Variants in ALCAM observed in about 807,000 individuals in gnomAD.
ALCAM encodes the protein activated leukocyte cell adhesion molecule.
Under a neutral mutation model 70.9 loss-of-function variants are expected in ALCAM, and 30 were observed. That is an observed-to-expected ratio of 0.42 (90% CI 0.32 to 0.57). The LOEUF is 0.57. Ranked by LOEUF, ALCAM falls within the 20% of genes least tolerant of loss-of-function variation. The probability of loss-of-function intolerance (pLI) is 0.11; values close to 1 mark genes in which losing one functional copy is unlikely to be tolerated. For synonymous variants in ALCAM, 249 were observed against 242.5 expected (o/e 1.03, Z -0.25); for missense variants, 591 against 695.1 (o/e 0.85, Z 1.68).
intron 1 of ALCAM, among the ~76,000 whole-genome samples, chr3:105,502,082 G>A (rs1938936588): frequency 6.6e-6 from 1 of 152,094 alleles, no homozygotes; most frequent in African/African-American, 2.4e-5. Context: ...GCCAGTCCAG[G>A]CATAAAAGTA....
In ALCAM at chr3:105,552,848, T is replaced by G. The variant is rs1029837899; in HGVS notation, c.1664+263T>G. On this transcript the variant is annotated intron_variant, in intron 14 of 15. Transcript: ENST00000306107. ...GAATTCAATTATTTGATTTTTTCAG[T>G]GCTTGAGTGAATTTTTTAAAGCGTA... 4.1e-6 allele frequency: 5 copies of G among 1,232,434 alleles called. No homozygotes were observed. In the African/African-American group the frequency reaches 4.6e-5, roughly 11 times the overall value. 76.3% of individuals were successfully genotyped at this position (1,232,434 alleles called of 1,614,324 possible).
At chr3:105,452,100 G>GT (rs201338872) in intron 1 of ALCAM, among the ~76,000 whole-genome samples, 5 of 151,072 alleles carry the variant, frequency 3.3e-5, no homozygotes, top group Non-Finnish European at 4.4e-5. Flanking sequence ...TCATTTTTTG[G>GT]TTTTTTTTTC....
At chr3:105,440,752 A>G (rs745485191) in intron 1 of ALCAM, 2 of 152,232 alleles carry the variant, frequency 1.3e-5, no homozygotes, top group Admixed American at 6.5e-5. Flanking sequence ...ACTTAAGTAG[A>G]TTAACACTTA....
intron 1 of ALCAM, among the ~76,000 whole-genome samples, chr3:105,371,908 T>C (rs1935245663): frequency 6.6e-6 from 1 of 152,190 alleles, no homozygotes; most frequent in Non-Finnish European, 1.5e-5. Flanking sequence ...TTATTCTTCA[T>C]TGTTAAGTAT....
At chr3:105,448,550 A>G (rs1429885113) in intron 1 of ALCAM, among the ~76,000 whole-genome samples, 1 of 152,114 alleles carries the variant, frequency 6.6e-6, no homozygotes, top group African/African-American at 2.4e-5. Flanking sequence ...TTTCCACATG[A>G]CATCTGTGGC....
chr3:105,456,633 A>C (rs987833705), intron 1 of ALCAM, among the ~76,000 whole-genome samples: 2 of 152,218 alleles, frequency 1.3e-5, no homozygotes, highest in Non-Finnish European at 1.5e-5. Context: ...ATTCAAGTAC[A>C]GAAGGGTGAT....
At chr3:105,405,287 A>G (rs1402223750) in intron 1 of ALCAM, among the ~76,000 whole-genome samples, 1 of 108,874 alleles carries the variant, frequency 9.2e-6, no homozygotes, top group Non-Finnish European at 2.1e-5. Flanking sequence ...CAAAAAAAAA[A>G]AAAAAAAAAA....
intron 1 of ALCAM, among the ~76,000 whole-genome samples, chr3:105,401,873 C>T (rs903076927): frequency 6.6e-6 from 1 of 152,024 alleles, no homozygotes; most frequent in Non-Finnish European, 1.5e-5. Flanking sequence ...ATAATTGAGT[C>T]TAACCACAGA....
chr3:105,377,003 A>G (rs1034837974), intron 1 of ALCAM, among the ~76,000 whole-genome samples: 1 of 152,118 alleles, frequency 6.6e-6, no homozygotes, highest in Non-Finnish European at 1.5e-5. Flanking sequence ...CTACAAAAGG[A>G]TGTCTTTGTC....
chr3:105,452,335 G>A (rs1414918372), intron 1 of ALCAM, among the ~76,000 whole-genome samples: 1 of 152,026 alleles, frequency 6.6e-6, no homozygotes, highest in Non-Finnish European at 1.5e-5. Context: ...TTGGTTTTCT[G>A]TTCCTGTGTT....
chr3:105,409,531 C>T (rs187490548), intron 1 of ALCAM, among the ~76,000 whole-genome samples: 28 of 152,054 alleles, frequency 1.8e-4, no homozygotes, highest in African/African-American at 4.6e-4. Context: ...ATAAGAATGA[C>T]GCATTGGACT....
intron 14 of ALCAM, among the ~76,000 whole-genome samples, chr3:105,554,244 C>G (rs1458775541): frequency 1.3e-5 from 2 of 151,762 alleles, no homozygotes; most frequent in Admixed American, 1.3e-4. Context: ...GCCTGAGAAC[C>G]AGGAAGGTGT....
rs599278 is a variant in ALCAM at position 105,541,752 on chromosome 3, T to C, written c.978T>C (p.Ala326=). 1,601,676 of 1,612,036 alleles carry C rather than the reference T, an allele frequency of 0.99. 796,172 individuals are homozygous for C. The highest frequency in any genetic ancestry group is 1 in the East Asian group (44,820 of 44,820). ...IDKKSMIAST[A]ITVHYLDLSL... is the part of the protein sequence containing the mutation. ...AAAAAAGCATGATTGCTTCAACAGC[T>C]ATCACAGTTCACTGTAAGTCACCTA... is the stretch of plus-strand genomic sequence containing the variant. The change falls in exon 8 of 16, where the codon GCT becomes GCC. Residue 326 remains alanine (A), a synonymous_variant. Transcript: ENST00000306107.
intron 1 of ALCAM, among the ~76,000 whole-genome samples, chr3:105,407,629 A>C (rs569699334): frequency 2.0e-3 from 300 of 152,320 alleles, no homozygotes; most frequent in Admixed American, 4.6e-3. Context: ...GAATGGGAAA[A>C]GTTGAAAGCA....
intron 1 of ALCAM, among the ~76,000 whole-genome samples, chr3:105,517,077 A>G (rs752122094): frequency 6.6e-6 from 1 of 152,060 alleles, no homozygotes; most frequent in Non-Finnish European, 1.5e-5. Context: ...CATCTCAAAG[A>G]TTAAGATATC....
At chr3:105,422,742 A>C (rs917167188) in intron 1 of ALCAM, among the ~76,000 whole-genome samples, 1 of 151,414 alleles carries the variant, frequency 6.6e-6, no homozygotes, top group African/African-American at 2.4e-5. Flanking sequence ...GATAATAATG[A>C]AATTATGCCA....
intron 1 of ALCAM, among the ~76,000 whole-genome samples, chr3:105,486,818 A>C (rs1450282225): frequency 6.6e-6 from 1 of 152,146 alleles, no homozygotes; most frequent in Non-Finnish European, 1.5e-5. Context: ...TTTATCTTTC[A>C]ACAGTAGTTT....
chr3:105,573,484 ATGTATG>A (rs1366299315), intron 15 of ALCAM, among the ~76,000 whole-genome samples: 4 of 152,308 alleles, frequency 2.6e-5, no homozygotes, highest in South Asian at 4.1e-4. Context: ...TAGGTAGTAT[ATGTATG>A]TGTATGTGTA....
At chr3:105,570,784 G>A (rs2152636166) in intron 14 of ALCAM, among the ~76,000 whole-genome samples, 1 of 152,264 alleles carries the variant, frequency 6.6e-6, no homozygotes, top group East Asian at 1.9e-4. Context: ...AAACACAAAT[G>A]AATAAATCTG....
Sources: allele counts gnomAD v4.1 joint callset (sites outside exome capture counted in the v4.1 genomes callset), GRCh38; gene constraint gnomAD v4.1.1; transcripts MANE v1.5; gene names NCBI Gene and HGNC (gene_info 2026-07-23, HGNC 2026-07-21).